The following SLC24A3 variants were observed in gnomAD, a reference collection of about 807,000 sequenced individuals.
The protein encoded by SLC24A3 is solute carrier family 24 member 3.
Under a neutral mutation model 75.8 loss-of-function variants are expected in SLC24A3, and 28 were observed. That is an observed-to-expected ratio of 0.37 (90% CI 0.27 to 0.51). The LOEUF is 0.51. Among genes scored for constraint, SLC24A3 ranks in the 20% least tolerant of loss-of-function variants. The pLI is 0.94. For missense variants in SLC24A3, 663 were observed against 847.8 expected (o/e 0.78, Z 2.71); for synonymous variants, 372 against 334.1 (o/e 1.11, Z -1.24).
intron 6 of SLC24A3, among the ~76,000 whole-genome samples, chr20:19,614,408 A>C (rs2031709581): frequency 6.6e-6 from 1 of 152,202 alleles, no homozygotes; most frequent in South Asian, 2.1e-4. Flanking sequence ...TTTCTCCTAG[A>C]ATGTGCTTCA....
intron 3 of SLC24A3, among the ~76,000 whole-genome samples, chr20:19,568,430 TA>T (rs1157862535): frequency 6.6e-6 from 1 of 152,200 alleles, no homozygotes; most frequent in Non-Finnish European, 1.5e-5. Context: ...TTCAGCCTTA[TA>T]AAGGAGGGAA....
chr20:19,214,827 T>A (rs1029473767), intron 1 of SLC24A3, among the ~76,000 whole-genome samples: 1 of 152,164 alleles, frequency 6.6e-6, no homozygotes, highest in Non-Finnish European at 1.5e-5. Flanking sequence ...CCCTCTGTCC[T>A]ACCTTTCTCC....
intron 6 of SLC24A3, among the ~76,000 whole-genome samples, chr20:19,646,304 A>G (rs2032136108): frequency 1.3e-5 from 2 of 152,252 alleles, no homozygotes; most frequent in African/African-American, 2.4e-5. Context: ...ATAAGCAACT[A>G]TACTATTTTT....
intron 12 of SLC24A3, 141 bp downstream of exon 12, chr20:19,685,502 T>C (rs2032666016): frequency 7.3e-7 from 1 of 1,363,864 alleles, no homozygotes; most frequent in Non-Finnish European, 9.9e-7. Flanking sequence ...AAGTCTCCTT[T>C]GGGCAGGACT....
At chr20:19,296,268 CTTTTTT>C (rs35229035) in intron 2 of SLC24A3, among the ~76,000 whole-genome samples, 5 of 72,304 alleles carry the variant, frequency 6.9e-5, no homozygotes, top group Non-Finnish European at 1.0e-4. Context: ...AGCTAGTGGT[CTTTTTT>C]TTTTTTTTTT....
chr20:19,510,692 T>A (rs1568638946), intron 2 of SLC24A3, among the ~76,000 whole-genome samples: 1 of 152,230 alleles, frequency 6.6e-6, no homozygotes, highest in East Asian at 1.9e-4. Context: ...TACTCTGATA[T>A]GTAGATACTG....
At chr20:19,689,222 T>A (rs6081707) in intron 12 of SLC24A3, among the ~76,000 whole-genome samples, 21,119 of 152,256 alleles carry the variant, frequency 0.14, 2,402 homozygotes, top group African/African-American at 0.31. Context: ...ACAGTGTACA[T>A]TTTTATTGCC....
chr20:19,327,389 G>A (rs372928672), intron 2 of SLC24A3, among the ~76,000 whole-genome samples: 2 of 152,282 alleles, frequency 1.3e-5, no homozygotes, highest in African/African-American at 4.8e-5. Context: ...AGATGCCAAC[G>A]GATGGAACAT....
chr20:19,356,928 C>T (rs898698385), intron 2 of SLC24A3, among the ~76,000 whole-genome samples: 1 of 152,094 alleles, frequency 6.6e-6, no homozygotes, highest in Non-Finnish European at 1.5e-5. Flanking sequence ...TTTAATTTGA[C>T]TTCCCTGGTT....
intron 2 of SLC24A3, among the ~76,000 whole-genome samples, chr20:19,508,368 C>T (rs1198023993): frequency 6.6e-6 from 1 of 152,204 alleles, no homozygotes; most frequent in Non-Finnish European, 1.5e-5. Flanking sequence ...ATGGCTGCAG[C>T]AGCCCATGTT....
intron 2 of SLC24A3, among the ~76,000 whole-genome samples, chr20:19,339,062 G>A (rs56144972): frequency 6.6e-6 from 1 of 152,180 alleles, no homozygotes; most frequent in Admixed American, 6.5e-5. Context: ...GCCAAGATTC[G>A]GAAGAGCTGT....
intron 2 of SLC24A3, among the ~76,000 whole-genome samples, chr20:19,343,517 T>G (rs900869213): frequency 6.6e-6 from 1 of 152,140 alleles, no homozygotes; most frequent in African/African-American, 2.4e-5. Context: ...GATATTGTTT[T>G]GCACCCAGTA....
chr20:19,615,802 G>A (rs1457862867), intron 6 of SLC24A3, among the ~76,000 whole-genome samples: 1 of 152,106 alleles, frequency 6.6e-6, no homozygotes, highest in African/African-American at 2.4e-5. Context: ...TTGGCCTTTG[G>A]ACTCTGAGAC....
intron 3 of SLC24A3, among the ~76,000 whole-genome samples, chr20:19,545,150 A>G (rs563341381): frequency 6.6e-6 from 1 of 152,338 alleles, no homozygotes; most frequent in East Asian, 1.9e-4. Flanking sequence ...GGACATAAAC[A>G]TGGGAAATGC....
At chr20:19,550,696 T>C (rs1342870620) in intron 3 of SLC24A3, among the ~76,000 whole-genome samples, 2 of 152,224 alleles carry the variant, frequency 1.3e-5, no homozygotes, top group Non-Finnish European at 2.9e-5. Flanking sequence ...TGGACCCTTA[T>C]ATTGTACCTG....
intron 2 of SLC24A3, among the ~76,000 whole-genome samples, chr20:19,281,737 G>T (rs905367424): frequency 6.6e-6 from 1 of 152,156 alleles, no homozygotes; most frequent in African/African-American, 2.4e-5. Context: ...GTCCCTGAAG[G>T]TTTAGACCTG....
chr20:19,664,529 G>A lies in SLC24A3; in HGVS notation c.688-1335G>A, dbSNP rs763013203. Among the ~76,000 whole-genome samples, 4 of 152,226 alleles carry A rather than the reference G, an allele frequency of 2.6e-5. No homozygotes were observed. In the East Asian group the frequency reaches 7.7e-4, roughly 29 times the overall value. On this transcript the variant is annotated intron_variant, in intron 7 of 16. Coordinates refer to ENST00000328041, the MANE Select transcript of SLC24A3 (RefSeq NM_020689.4). ...TTGACCTTCAAGATAATTGGAAAGAGTTGCTTTATGCGCTTTGTGACTGGT... is the reference window on the plus strand; with the variant it reads ...TTGACCTTCAAGATAATTGGAAAGAATTGCTTTATGCGCTTTGTGACTGGT...
At position 19,585,555 on chromosome 20, in the gene SLC24A3, C is replaced by A; in HGVS notation, c.612+11C>A. ...CTCTTTGCTGGGCAGGTAAGACTGG[C>A]GGCTTCTTTGTGATGGCAAAATGTG... On this transcript the variant is annotated intron_variant, in intron 6 of 16. Transcript: ENST00000328041. 1.2e-6 allele frequency: 2 copies of A among 1,611,338 alleles called. No homozygotes were observed. The highest frequency in any genetic ancestry group is 2.2e-5 in the South Asian group (2 of 90,682).
chr20:19,511,246 G>A (rs1988530829), intron 2 of SLC24A3, among the ~76,000 whole-genome samples: 1 of 152,084 alleles, frequency 6.6e-6, no homozygotes, highest in Admixed American at 6.5e-5. Flanking sequence ...TGCTCTTGAG[G>A]GCCCCAGCCT....
Sources: gnomAD v4.1 joint callset for allele counts (sites outside exome capture counted in the v4.1 genomes callset) on GRCh38, gnomAD v4.1.1 for gene constraint, MANE v1.5 for transcripts, NCBI Gene and HGNC (gene_info 2026-07-23, HGNC 2026-07-21) for gene names.